Variants in CAB39L observed in about 807,000 individuals in gnomAD.
CAB39L encodes the protein calcium binding protein 39 like, also known as calcium-binding protein 39-like.
In CAB39L, 23 loss-of-function variants were observed where a neutral mutation model predicts 39.1. That is an observed-to-expected ratio of 0.59 (90% CI 0.42 to 0.83). The LOEUF is 0.83. CAB39L is among the 40% of genes least tolerant of loss of function. CAB39L has a pLI of 0.00. For synonymous variants in CAB39L, 126 were observed against 137.2 expected, an observed-to-expected ratio of 0.92 and a Z score of 0.57; for missense variants, 366 against 391.9, an observed-to-expected ratio of 0.93 and a Z score of 0.56.
intron 10 of CAB39L, among the ~76,000 whole-genome samples, chr13:49,315,390 C>T (rs1306075410): frequency 1.3e-5 from 2 of 152,030 alleles, no homozygotes; most frequent in Non-Finnish European, 2.9e-5. Context: ...CATGGGGTGA[C>T]AAGGAGGAAC....
chr13:49,424,191 C>T (rs1465418394), intron 3 of CAB39L, among the ~76,000 whole-genome samples: 2 of 152,184 alleles, frequency 1.3e-5, no homozygotes, highest in Non-Finnish European at 2.9e-5. Flanking sequence ...GGAAACCTGA[C>T]TGTGGAGAAA....
chr13:49,338,485 A>C (rs1593939224), intron 9 of CAB39L, among the ~76,000 whole-genome samples: 1 of 116,406 alleles, frequency 8.6e-6, no homozygotes, highest in Non-Finnish European at 1.7e-5. Context: ...GGAACATCAC[A>C]CTCTGGGGAC....
At chr13:49,344,931 T>G (rs149098102) in intron 7 of CAB39L, among the ~76,000 whole-genome samples, 23 of 152,288 alleles carry the variant, frequency 1.5e-4, no homozygotes, top group African/African-American at 5.1e-4. Context: ...ATCCATCCTT[T>G]CAAAATTGAA....
chr13:49,409,618 G>C lies in CAB39L; in HGVS notation c.-32+23700C>G, dbSNP rs928286274. 3.9e-5 allele frequency among the ~76,000 whole-genome samples: 6 copies of C among 152,044 alleles called. No homozygotes were observed. The East Asian group carries it at 1.2e-3, about 29-fold the overall frequency. On this transcript the variant is annotated intron_variant, in intron 3 of 10. Coordinates refer to ENST00000409308, the MANE Select transcript of CAB39L (RefSeq NM_001079670.3). ...TATATTTTTCTAAAATGAGAAGGAG[G>C]AGAAAGCATTAGTAGAGACTGCCCA...
intron 3 of CAB39L, among the ~76,000 whole-genome samples, chr13:49,432,334 C>T (rs1234685300): frequency 6.6e-6 from 1 of 152,022 alleles, no homozygotes; most frequent in Non-Finnish European, 1.5e-5. Context: ...CAGGGTTTCA[C>T]TATATTGCCC....
chr13:49,315,884 C>A (rs369867209), intron 10 of CAB39L, among the ~76,000 whole-genome samples: 391 of 119,972 alleles, frequency 3.3e-3, no homozygotes, highest in South Asian at 3.7e-3. Flanking sequence ...GTCTCCATCT[C>A]AAAAAAAAAA....
At chr13:49,363,144 T>A (rs1955678451) in intron 5 of CAB39L, among the ~76,000 whole-genome samples, 2 of 152,040 alleles carry the variant, frequency 1.3e-5, no homozygotes, top group Admixed American at 6.6e-5. Flanking sequence ...CAAGAAGAAA[T>A]CATCTTAAGG....
chr13:49,427,735 A>G (rs1409306179), intron 3 of CAB39L, among the ~76,000 whole-genome samples: 7 of 152,202 alleles, frequency 4.6e-5, no homozygotes, highest in Admixed American at 1.3e-4. Context: ...TTGAACTGCT[A>G]TATCAGAATA....
rs1954561504 is a variant in CAB39L, at chr13:49,328,283, A to G, written c.834+3664T>C. Among the ~76,000 whole-genome samples the G allele has an allele frequency of 2.0e-5, 3 of 152,234 alleles. No homozygotes were observed. The South Asian group carries it at 6.2e-4, about 32-fold the overall frequency. On this transcript the variant is annotated intron_variant, in intron 10 of 10. Transcript: ENST00000409308. ...CTGATATGGTTGGACATTTTCGCCA[A>G]TATGAAGAACATAAAGTGGTATCTC... is the stretch of plus-strand genomic sequence containing the variant.
rs201608813 is a variant in CAB39L at position 49,434,157 on chromosome 13, C to T, written c.-179G>A. 40 of 456,832 alleles carry T rather than the reference C, an allele frequency of 8.8e-5. No homozygotes were observed. The highest frequency in any genetic ancestry group is 1.3e-4 in the Non-Finnish European group (30 of 227,038). The allele number at this position is 456,832 out of a possible 1,614,324, so 28.3% of individuals were successfully genotyped here. A position where few individuals can be genotyped will look rare whatever the true frequency, so the allele number is the denominator to read the frequency against. On this transcript the variant is annotated 5_prime_UTR_variant, in exon 2 of 11. Coordinates refer to ENST00000409308, the MANE Select transcript of CAB39L (RefSeq NM_001079670.3). ...CACTGATTTGGGGTTCGCATCTTTA[C>T]GTTCTGAACAGCAACTTAGAACACT... is the stretch of plus-strand genomic sequence containing the variant.
At chr13:49,390,991 T>C (rs1475025438) in intron 3 of CAB39L, among the ~76,000 whole-genome samples, 1 of 152,188 alleles carries the variant, frequency 6.6e-6, no homozygotes, top group East Asian at 1.9e-4. Flanking sequence ...GAGCTGAACA[T>C]GTCTTCAGAT....
chr13:49,371,314 A>G (rs1417997596), intron 5 of CAB39L, among the ~76,000 whole-genome samples: 2 of 151,780 alleles, frequency 1.3e-5, no homozygotes, highest in African/African-American at 4.8e-5. Flanking sequence ...CAGCCTCCCA[A>G]GTAGCTAGGA....
rs1283300744 is a variant in CAB39L, at chr13:49,434,132, C to G, written c.-154G>C. ...GCTCTTGCATGAAGAATGAACAAACCACTGATTTGGGGTTCGCATCTTTAC... is the reference window on the plus strand; with the variant it reads ...GCTCTTGCATGAAGAATGAACAAACGACTGATTTGGGGTTCGCATCTTTAC... On this transcript the variant is annotated 5_prime_UTR_variant, in exon 2 of 11. Coordinates refer to ENST00000409308, the MANE Select transcript of CAB39L (RefSeq NM_001079670.3). 2 of 456,684 alleles carry G rather than the reference C, an allele frequency of 4.4e-6. No homozygotes were observed. The highest frequency in any genetic ancestry group is 4.7e-5 in the Admixed American group (2 of 42,478). 28.3% of individuals were successfully genotyped at this position (456,684 alleles called of 1,614,324 possible).
intron 5 of CAB39L, among the ~76,000 whole-genome samples, chr13:49,363,532 A>G (rs1955687815): frequency 6.6e-6 from 1 of 152,210 alleles, no homozygotes; most frequent in Admixed American, 6.5e-5. Context: ...AAATTAAAGC[A>G]TAGTGCCAGA....
intron 3 of CAB39L, among the ~76,000 whole-genome samples, chr13:49,392,245 T>C (rs1400837041): frequency 2.6e-5 from 4 of 152,204 alleles, no homozygotes; most frequent in African/African-American, 9.7e-5. Context: ...GCAAATTTAA[T>C]ACTATTTCAT....
chr13:49,406,908 C>A (rs143991513), intron 3 of CAB39L, among the ~76,000 whole-genome samples: 103 of 152,242 alleles, frequency 6.8e-4, no homozygotes, highest in African/African-American at 2.2e-3. Flanking sequence ...TTAAAGAATT[C>A]TTTGCCGTTA....
Position 49,350,878 on chromosome 13 carries a change from T to G in CAB39L, c.430A>C (p.Ile144Leu), listed in dbSNP as rs368718994. 6.2e-7 allele frequency: 1 copy of G among 1,609,060 alleles called. No individual in the cohort carries two copies. Among genetic ancestry groups the G allele is most frequent in the African/African-American group, 1.3e-5 (1 of 74,716 alleles). ...TGTCGAATACATTCTCTCAGCATAA[T>G]CCCACAACGTAAGGCAATCTGTGGG... ...EAPQIALRCG[I>L]MLRECIRHEP... The change falls in exon 7 of 11, where the codon ATT becomes CTT. Residue 144 changes from isoleucine (I) to leucine (L), a missense_variant. Ile to Leu is a conservative substitution (Grantham distance 5). Transcript: ENST00000409308.
chr13:49,422,514 A>C (rs1182019381), intron 3 of CAB39L, among the ~76,000 whole-genome samples: 1 of 152,200 alleles, frequency 6.6e-6, no homozygotes, highest in Non-Finnish European at 1.5e-5. Context: ...TGGAGGTTAC[A>C]GTGAGCTGAG....
Position 49,350,896 on chromosome 13 carries a change from T to G in CAB39L, c.412A>C (p.Ile138Leu), listed in dbSNP as rs1322218344. The G allele has an allele frequency of 1.3e-6, 2 of 1,590,978 alleles. No homozygotes were observed. The highest frequency in any genetic ancestry group is 1.7e-6 in the Non-Finnish European group (2 of 1,170,536). ...AGCATAATCCCACAACGTAAGGCAATCTGTGGGGCTTCATATCTAAAGCGT... is the reference window on the plus strand; with the variant it reads ...AGCATAATCCCACAACGTAAGGCAAGCTGTGGGGCTTCATATCTAAAGCGT... ...MLLKGYEAPQIALRCGIMLRE... is the reference protein window; with the variant it reads ...MLLKGYEAPQLALRCGIMLRE... The change falls in exon 7 of 11, where the codon ATT becomes CTT. Residue 138 changes from isoleucine to leucine, a missense_variant. Coordinates refer to ENST00000409308, the MANE Select transcript of CAB39L (RefSeq NM_001079670.3).
Sources: allele counts gnomAD v4.1 joint callset (sites outside exome capture counted in the v4.1 genomes callset), GRCh38; gene constraint gnomAD v4.1.1; transcripts MANE v1.5; gene names NCBI Gene and HGNC (gene_info 2026-07-23, HGNC 2026-07-21).